Variants in SHTN1 observed in about 807,000 individuals in gnomAD.
SHTN1 encodes shootin 1.
SHTN1 carries 42 observed loss-of-function variants against 83.1 expected under a neutral mutation model. The observed-to-expected ratio is 0.51, with a 90% CI of 0.39 to 0.65. The LOEUF (loss-of-function observed/expected upper bound fraction) is 0.65. SHTN1 is among the 30% of genes least tolerant of loss of function. The pLI is 0.00. For missense variants in SHTN1, 622 were observed against 737.8 expected, an observed-to-expected ratio of 0.84 and a Z score of 1.82; for synonymous variants, 224 against 247.7, an observed-to-expected ratio of 0.90 and a Z score of 0.90.
chr10:116,949,055 G>A, intron 6 of SHTN1, 58 bp from the exon 7 acceptor site: 1 of 1,431,736 alleles, frequency 7.0e-7, no homozygotes, highest in Non-Finnish European at 9.2e-7. Flanking sequence ...CAGGACATAT[G>A]GCAATGTGTG....
chr10:116,887,951 C>T (rs914012011), intron 16 of SHTN1, among the ~76,000 whole-genome samples: 1 of 152,194 alleles, frequency 6.6e-6, no homozygotes, highest in African/African-American at 2.4e-5. Flanking sequence ...CGGTCACGGG[C>T]ACAAAACCTC....
chr10:117,065,860 G>A (rs956020314), intron 1 of SHTN1, among the ~76,000 whole-genome samples: 15 of 97,888 alleles, frequency 1.5e-4, no homozygotes, highest in African/African-American at 4.6e-4. Flanking sequence ...AAGGAAAGGA[G>A]GGAGGGAGGG....
chr10:116,962,071 T>C (rs1850206714), intron 3 of SHTN1, among the ~76,000 whole-genome samples: 1 of 118,698 alleles, frequency 8.4e-6, no homozygotes, highest in Admixed American at 1.1e-4. Flanking sequence ...CCCCCCTTCT[T>C]CTCTTCTATC....
intron 3 of SHTN1, among the ~76,000 whole-genome samples, chr10:116,968,314 C>G (rs962768533): frequency 4.6e-5 from 7 of 152,194 alleles, no homozygotes; most frequent in South Asian, 2.1e-4. Context: ...TTTTTTACTA[C>G]ACAAATAAAA....
chr10:116,932,095 C>G (rs780094069), intron 9 of SHTN1, among the ~76,000 whole-genome samples: 1 of 152,210 alleles, frequency 6.6e-6, no homozygotes, highest in Admixed American at 6.5e-5. Flanking sequence ...TTTTCCCAGG[C>G]TCGCAATATG....
intron 2 of SHTN1, among the ~76,000 whole-genome samples, chr10:117,020,376 G>A (rs1008782790): frequency 2.0e-5 from 3 of 151,356 alleles, no homozygotes; most frequent in Non-Finnish European, 4.4e-5. Flanking sequence ...ACACGCGCCT[G>A]TAATCCCAGC....
At chr10:117,093,618 C>A (rs1853464963) in intron 1 of SHTN1, among the ~76,000 whole-genome samples, 1 of 152,204 alleles carries the variant, frequency 6.6e-6, no homozygotes, top group Non-Finnish European at 1.5e-5. Flanking sequence ...AAACTCCGAT[C>A]TACCCAACCC....
At chr10:116,931,867 T>C (rs1404822025) in intron 9 of SHTN1, among the ~76,000 whole-genome samples, 1 of 152,214 alleles carries the variant, frequency 6.6e-6, no homozygotes, top group Non-Finnish European at 1.5e-5. Context: ...AAATGTATTA[T>C]AAGGAGCATA....
At chr10:116,906,256 G>GGGC (rs1238104867) in intron 15 of SHTN1, among the ~76,000 whole-genome samples, 1 of 152,184 alleles carries the variant, frequency 6.6e-6, no homozygotes, top group Non-Finnish European at 1.5e-5. Flanking sequence ...ATTTGCTTAA[G>GGGC]GGCAACCAGC....
intron 8 of SHTN1, among the ~76,000 whole-genome samples, chr10:116,941,637 C>T (rs1405865875): frequency 2.0e-5 from 3 of 152,076 alleles, no homozygotes; most frequent in Non-Finnish European, 4.4e-5. Context: ...TTGCTAAAGC[C>T]CTCATATTAG....
chr10:116,911,323 A>T (rs976848325), intron 14 of SHTN1, among the ~76,000 whole-genome samples: 2 of 152,218 alleles, frequency 1.3e-5, no homozygotes, highest in Non-Finnish European at 2.9e-5. Context: ...TCAATTTATC[A>T]TCAAATAATT....
chr10:117,084,807 C>A (rs950331527), intron 1 of SHTN1, among the ~76,000 whole-genome samples: 1 of 152,174 alleles, frequency 6.6e-6, no homozygotes, highest in South Asian at 2.1e-4. Context: ...TTCCAGGTGC[C>A]GTCCGTCACC....
chr10:117,012,283 A>C (rs1852118612), intron 2 of SHTN1, among the ~76,000 whole-genome samples: 1 of 152,168 alleles, frequency 6.6e-6, no homozygotes, highest in South Asian at 2.1e-4. Flanking sequence ...GCAAAAAACA[A>C]AACAAAACAA....
At chr10:117,089,764 C>G (rs1853401774) in intron 1 of SHTN1, among the ~76,000 whole-genome samples, 1 of 151,576 alleles carries the variant, frequency 6.6e-6, no homozygotes, top group Non-Finnish European at 1.5e-5. Context: ...CAAGCTGACT[C>G]AAAAATAGGA....
intron 1 of SHTN1, among the ~76,000 whole-genome samples, chr10:117,051,313 C>T (rs1423485459): frequency 1.3e-5 from 2 of 152,134 alleles, no homozygotes; most frequent in Non-Finnish European, 2.9e-5. Context: ...TAAATGACTT[C>T]ATTGGTGAAT....
At chr10:117,054,932 T>C (rs963867593) in intron 1 of SHTN1, among the ~76,000 whole-genome samples, 4 of 152,146 alleles carry the variant, frequency 2.6e-5, no homozygotes, top group African/African-American at 9.7e-5. Flanking sequence ...AAAACTGTAT[T>C]CGTCTGTTTT....
At chr10:117,039,834 C>T (rs938715202) in intron 2 of SHTN1, among the ~76,000 whole-genome samples, 1 of 136,088 alleles carries the variant, frequency 7.3e-6, no homozygotes, top group Non-Finnish European at 1.6e-5. Flanking sequence ...GCCTGGGCAA[C>T]AGAGTGAGAC....
chr10:116,929,860 A>G lies in SHTN1; in HGVS notation c.1001T>C (p.Leu334Ser). Reference sequence around the variant, plus strand: ...CTCAATGCTTTTACCAGAGTGCTTTAAATTTCTGGCTTTCTCTTCAGAATT... The same window carrying G: ...CTCAATGCTTTTACCAGAGTGCTTTGAATTTCTGGCTTTCTCTTCAGAATT... ...YQNSEEKARNLKHSVDELQKR... is the reference protein window; with the variant it reads ...YQNSEEKARNSKHSVDELQKR... The change falls in exon 10 of 17, where the codon TTA (leucine) becomes TCA (serine). Residue 334 changes from leucine to serine, a missense_variant. Physicochemically the swap from Leu to Ser is moderately radical, Grantham distance 145. This residue lies in a region of SHTN1 where 383 missense variants were observed against 455.8 expected (regional missense o/e 0.84). Transcript: ENST00000355371. The G allele has an allele frequency of 6.2e-7, 1 of 1,602,572 alleles. No homozygotes were observed. The highest frequency in any genetic ancestry group is 1.7e-5 in the Admixed American group (1 of 57,422).
intron 14 of SHTN1, 129 bp from the exon 15 acceptor site, chr10:116,906,876 T>A: frequency 1.4e-6 from 1 of 731,190 alleles, no homozygotes; most frequent in Non-Finnish European, 2.0e-6. Context: ...GAATTTGCTA[T>A]ATATTAATAT....
Sources: gnomAD v4.1 joint callset for allele counts (sites outside exome capture counted in the v4.1 genomes callset) on GRCh38, gnomAD v4.1.1 for gene constraint, gnomAD v4.1.1 regional missense constraint, MANE v1.5 for transcripts, NCBI Gene and HGNC (gene_info 2026-07-23, HGNC 2026-07-21) for gene names.